CACNA1I: variants seen among roughly 807,000 people sequenced by gnomAD.
CACNA1I encodes the protein calcium voltage-gated channel subunit alpha1 I, also known as voltage-dependent T-type calcium channel subunit alpha-1I.
Under a neutral mutation model 201.6 loss-of-function variants are expected in CACNA1I, and 74 were observed. The observed-to-expected ratio is 0.37, with a 90% CI of 0.30 to 0.45. The LOEUF (loss-of-function observed/expected upper bound fraction) is 0.45. Among genes scored for constraint, CACNA1I ranks in the 20% least tolerant of loss-of-function variants. CACNA1I has a pLI of 1.00. For synonymous variants in CACNA1I, 1,431 were observed against 1,345.2 expected, an observed-to-expected ratio of 1.06 and a Z score of -1.40; for missense variants, 2,346 against 3,138.1, an observed-to-expected ratio of 0.75 and a Z score of 6.03.
intron 8 of CACNA1I, among the ~76,000 whole-genome samples, chr22:39,647,280 C>G (rs549715976): frequency 6.6e-6 from 1 of 152,238 alleles, no homozygotes; most frequent in Non-Finnish European, 1.5e-5. Context: ...GCTGCTGTCC[C>G]CTGCTTTCCA....
At chr22:39,626,654 T>C (rs1436892230) in intron 4 of CACNA1I, among the ~76,000 whole-genome samples, 2 of 152,106 alleles carry the variant, frequency 1.3e-5, no homozygotes, top group Non-Finnish European at 2.9e-5. Flanking sequence ...TGGAGTGCAG[T>C]GGCGTGATCT....
At chr22:39,582,798 A>G (rs1393954421) in intron 1 of CACNA1I, among the ~76,000 whole-genome samples, 3 of 97,488 alleles carry the variant, frequency 3.1e-5, no homozygotes, top group African/African-American at 4.1e-5. Flanking sequence ...TCCCCCATAC[A>G]CTCACTCACC....
At position 39,684,122 on chromosome 22, in the gene CACNA1I, T is replaced by C; in HGVS notation, c.5831-180T>C. ...AAGGGCTGCTTCAGGATTTCTCTCTTGCTCTCACAATGGGGAAACGAAGGC... is the reference window on the plus strand; with the variant it reads ...AAGGGCTGCTTCAGGATTTCTCTCTCGCTCTCACAATGGGGAAACGAAGGC... On this transcript the variant is annotated intron_variant, in intron 35 of 36. Coordinates refer to ENST00000402142, the MANE Select transcript of CACNA1I (RefSeq NM_021096.4). This position sits in a 1 kb window ranked among gnomAD's most constrained non-coding sequence, Gnocchi z 4.6. 1.3e-5 allele frequency among the ~76,000 whole-genome samples: 2 copies of C among 152,198 alleles called. No homozygotes were observed. Among genetic ancestry groups the C allele is most frequent in the African/African-American group, 4.8e-5 (2 of 41,456 alleles).
chr22:39,686,307 G>C lies in CACNA1I; in HGVS notation c.6574G>C (p.Ala2192Pro). ...CCGCAGCAAGGACCCCCCCGGCCGG[G>C]CACCGCTGCCCATGGGCCTGGGCCC... The part of the protein sequence containing the change: ...ADRSKDPPGR[A>P]PLPMGLGPLA... The change falls in exon 37 of 37, where the codon GCA becomes CCA. Residue 2192 changes from alanine to proline, a missense_variant. Physicochemically the swap from Ala to Pro is conservative, Grantham distance 27 (BLOSUM62 -1). Transcript: ENST00000402142. The C allele has an allele frequency of 7.5e-7, 1 of 1,329,158 alleles. No homozygotes were observed. 82.3% of individuals were successfully genotyped at this position (1,329,158 alleles called of 1,614,324 possible). A position where few individuals can be genotyped will look rare whatever the true frequency, so the allele number is the denominator to read the frequency against.
intron 24 of CACNA1I, 29 bp from the exon 25 acceptor site, chr22:39,670,009 C>T (rs765682715): frequency 1.9e-6 from 3 of 1,611,658 alleles, no homozygotes; most frequent in Non-Finnish European, 2.5e-6. Context: ...CCCAATCAGC[C>T]TCCTCAGCCC....
Position 39,677,698 on chromosome 22 carries a change from G to A in CACNA1I, c.4933+279G>A, listed in dbSNP as rs147267921. ...CGCTCGCTGAGCTCCGCCCTGCACC[G>A]GGATGGCTCCAGAAAGCAGGGTTCC... is the stretch of plus-strand genomic sequence containing the variant. On this transcript the variant is annotated intron_variant, in intron 30 of 36. Transcript: ENST00000402142. This position sits in a 1 kb window ranked among gnomAD's most constrained non-coding sequence, Gnocchi z 4.8. Among the ~76,000 whole-genome samples the A allele has an allele frequency of 1.7e-3, 262 of 152,328 alleles. No individual in the cohort carries two copies. Among genetic ancestry groups the A allele is most frequent in the Non-Finnish European group, 2.8e-3 (190 of 68,012 alleles).
intron 10 of CACNA1I, among the ~76,000 whole-genome samples, chr22:39,651,547 G>T (rs1934649434): frequency 6.6e-6 from 1 of 152,182 alleles, no homozygotes; most frequent in African/African-American, 2.4e-5. Flanking sequence ...TCTGGTCAGT[G>T]CCTGACCCAG....
Position 39,643,107 on chromosome 22 carries a change from CTGTCATTTCTCA to C in CACNA1I, c.1149+222_1149+233del, listed in dbSNP as rs1934390727. Among the ~76,000 whole-genome samples, 4 of 152,300 alleles carry C rather than the reference CTGTCATTTCTCA, an allele frequency of 2.6e-5. No individual in the cohort carries two copies. The South Asian group carries it at 8.3e-4, about 32-fold the overall frequency. On this transcript the variant is annotated intron_variant, in intron 7 of 36. Coordinates refer to ENST00000402142, the MANE Select transcript of CACNA1I (RefSeq NM_021096.4). ...CGGGAGCATCCAACACCTTCGATTG[CTGTCATTTCTCA>C]TGTGTGGGCACTTACTTCCCCACCG...
At position 39,624,408 on chromosome 22, in the gene CACNA1I, G is replaced by A. The variant is rs116914550; in HGVS notation, c.580+5001G>A. On this transcript the variant is annotated intron_variant, in intron 4 of 36. Transcript: ENST00000402142. The stretch of plus-strand genomic sequence containing the variant: ...TGCGCTCCAATTACAGAGGAGCTCC[G>A]AGCGGGCTCCGAGCCTTTCCTCAGG... Among the ~76,000 whole-genome samples, 136 of 152,258 alleles carry A rather than the reference G, an allele frequency of 8.9e-4. 1 individual carries two copies. In the East Asian group the frequency reaches 0.024, roughly 27 times the overall value.
rs778978389 is a variant in CACNA1I, at chr22:39,571,006, G to A, written c.236+18G>A. 1.2e-5 allele frequency: 19 copies of A among 1,595,122 alleles called. 1 individual carries two copies. In the South Asian group the frequency reaches 1.5e-4, roughly 13 times the overall value. On this transcript the variant is annotated intron_variant, in intron 1 of 36. Transcript: ENST00000402142. ...TGCAACCCATATCCTCCGCAGCCTCGGCTGATCGGGGCCCTGCAGGGGCTG... is the reference window on the plus strand; with the variant it reads ...TGCAACCCATATCCTCCGCAGCCTCAGCTGATCGGGGCCCTGCAGGGGCTG...
chr22:39,650,430 G>A (rs1455974264), intron 10 of CACNA1I, among the ~76,000 whole-genome samples: 1 of 152,220 alleles, frequency 6.6e-6, no homozygotes, highest in Admixed American at 6.5e-5. Flanking sequence ...GGGACTACAG[G>A]GAGGTGCCAC....
In CACNA1I at chr22:39,609,825, C is replaced by T. The variant is rs535971044; in HGVS notation, c.482+9172C>T. Among the ~76,000 whole-genome samples, 7 of 152,368 alleles carry T rather than the reference C, an allele frequency of 4.6e-5. 1 individual carries two copies. The South Asian group carries it at 1.4e-3, about 32-fold the overall frequency. Reference sequence around the variant, plus strand: ...CATTCCTCTCCTTGAGCCTCAGTTTCTTCACCCACCCTCTGCCAAAGCCGT... The same window carrying T: ...CATTCCTCTCCTTGAGCCTCAGTTTTTTCACCCACCCTCTGCCAAAGCCGT... On this transcript the variant is annotated intron_variant, in intron 3 of 36. Coordinates refer to ENST00000402142, the MANE Select transcript of CACNA1I (RefSeq NM_021096.4).
Position 39,679,475 on chromosome 22 carries a change from C to T in CACNA1I, c.5394+30C>T, listed in dbSNP as rs1019017300. ...GCAGGGGCTGGAGAGGTGTGAGGGTCGCCAGAGGGGGGGCACCGCAGGGCC... is the reference window on the plus strand; with the variant it reads ...GCAGGGGCTGGAGAGGTGTGAGGGTTGCCAGAGGGGGGGCACCGCAGGGCC... On this transcript the variant is annotated intron_variant, in intron 32 of 36. Coordinates refer to ENST00000402142, the MANE Select transcript of CACNA1I (RefSeq NM_021096.4). The T allele has an allele frequency of 1.7e-5, 23 of 1,366,812 alleles. No individual in the cohort carries two copies. The Admixed American group carries it at 2.6e-4, about 15-fold the overall frequency. The allele number at this position is 1,366,812 out of a possible 1,614,324, so 84.7% of individuals were successfully genotyped here.
intron 4 of CACNA1I, among the ~76,000 whole-genome samples, chr22:39,620,267 CCATCCATCCATACGTA>C (rs1450733253): frequency 9.4e-6 from 1 of 106,758 alleles, no homozygotes; most frequent in East Asian, 5.3e-4. Flanking sequence ...ATCCATCCAT[CCATCCATCCATACGTA>C]CATACATACA....
At chr22:39,601,924 TCC>T (rs1933059518) in intron 3 of CACNA1I, among the ~76,000 whole-genome samples, 1 of 43,818 alleles carries the variant, frequency 2.3e-5, no homozygotes, top group Non-Finnish European at 4.5e-5. Context: ...CCTCCTTCCT[TCC>T]TTCCTGCCTT....
At chr22:39,637,593 G>T (rs1239897360) in intron 5 of CACNA1I, among the ~76,000 whole-genome samples, 6 of 152,104 alleles carry the variant, frequency 3.9e-5, no homozygotes, top group African/African-American at 1.4e-4. Flanking sequence ...TGAGTCATAA[G>T]AGCCAAAAAA....
At chr22:39,639,808 A>T (rs1934308682) in intron 5 of CACNA1I, among the ~76,000 whole-genome samples, 1 of 152,182 alleles carries the variant, frequency 6.6e-6, no homozygotes, top group African/African-American at 2.4e-5. Context: ...TTTGTGCTCT[A>T]TGGCATTCCA....
At position 39,649,226 on chromosome 22, in the gene CACNA1I, T is replaced by C. The variant is rs1035583340; in HGVS notation, c.1568-275T>C. 6.6e-6 allele frequency among the ~76,000 whole-genome samples: 1 copy of C among 152,190 alleles called. No individual in the cohort carries two copies. Among genetic ancestry groups the C allele is most frequent in the African/African-American group, 2.4e-5 (1 of 41,452 alleles). On this transcript the variant is annotated intron_variant, in intron 9 of 36. Transcript: ENST00000402142. The surrounding 1 kb of genome is among the most constrained non-coding windows in gnomAD (Gnocchi z 7.3). The stretch of plus-strand genomic sequence containing the variant: ...GGCCGGTCAGCACGGATGCGCGCCC[T>C]GCACCGTGCTGGGCCCATCATGTGC...
intron 3 of CACNA1I, among the ~76,000 whole-genome samples, chr22:39,604,233 T>C (rs530523392): frequency 7.9e-5 from 12 of 152,252 alleles, no homozygotes; most frequent in Non-Finnish European, 1.8e-4. Context: ...GATTCTTTCC[T>C]GTCTGCTCAT....
Sources: allele counts gnomAD v4.1 joint callset (sites outside exome capture counted in the v4.1 genomes callset), GRCh38; gene constraint gnomAD v4.1.1; non-coding constraint Gnocchi (gnomAD v3.1); transcripts MANE v1.5; gene names NCBI Gene and HGNC (gene_info 2026-07-23, HGNC 2026-07-21).